Variants in TCF4 observed in about 807,000 individuals in gnomAD.
TCF4 encodes transcription factor 4.
In TCF4, 3 loss-of-function variants were observed where a neutral mutation model predicts 82.1. That is an observed-to-expected ratio of 0.04 (90% CI 0.02 to 0.09). The LOEUF (loss-of-function observed/expected upper bound fraction) is 0.09. Ranked by LOEUF, TCF4 falls within the 10% of genes least tolerant of loss-of-function variation. The pLI is 1.00. For missense variants in TCF4, 518 were observed against 852.7 expected (o/e 0.61, Z 4.89); for synonymous variants, 276 against 309.6 (o/e 0.89, Z 1.14).
intron 5 of TCF4, among the ~76,000 whole-genome samples, chr18:55,441,717 A>G (rs2095441477): frequency 6.6e-6 from 1 of 152,220 alleles, no homozygotes; most frequent in Non-Finnish European, 1.5e-5. Flanking sequence ...TGTATTACAT[A>G]ATCGTATAAT....
intron 6 of TCF4, among the ~76,000 whole-genome samples, chr18:55,372,724 T>C (rs1170604990): frequency 6.6e-6 from 1 of 152,158 alleles, no homozygotes; most frequent in Non-Finnish European, 1.5e-5. Context: ...TAGTAGACTC[T>C]ATGTGACTGT....
chr18:55,305,662 TAACTGGATA>T (rs1217077384), intron 8 of TCF4, among the ~76,000 whole-genome samples: 6 of 152,318 alleles, frequency 3.9e-5, no homozygotes, highest in African/African-American at 1.4e-4. Flanking sequence ...TTAAGACATG[TAACTGGATA>T]AATGGAGGTG....
chr18:55,293,673 G>A (rs2065669380), intron 8 of TCF4, among the ~76,000 whole-genome samples: 1 of 152,052 alleles, frequency 6.6e-6, no homozygotes. Context: ...AAATAGTAGG[G>A]GCCCTAAGGT....
chr18:55,297,688 G>A (rs2066949907), intron 8 of TCF4, among the ~76,000 whole-genome samples: 1 of 151,856 alleles, frequency 6.6e-6, no homozygotes, highest in Non-Finnish European at 1.5e-5. Context: ...ATGGTTGTTT[G>A]CGTGCATTAC....
intron 2 of TCF4, among the ~76,000 whole-genome samples, chr18:55,600,953 A>T (rs903712719): frequency 6.6e-6 from 1 of 152,172 alleles, no homozygotes; most frequent in Admixed American, 6.5e-5. Flanking sequence ...CACTGGTTAT[A>T]TGCAGATACT....
chr18:55,320,476 C>T (rs746143756), intron 8 of TCF4, among the ~76,000 whole-genome samples: 1 of 152,330 alleles, frequency 6.6e-6, no homozygotes, highest in African/African-American at 2.4e-5. Flanking sequence ...TCTGAAACTG[C>T]ACCTTCAAAC....
intron 2 of TCF4, among the ~76,000 whole-genome samples, chr18:55,609,523 GGT>G (rs2097705198): frequency 6.6e-6 from 1 of 152,158 alleles, no homozygotes; most frequent in South Asian, 2.1e-4. Flanking sequence ...TACTGAAACG[GGT>G]GTGCTTATGG....
At chr18:55,262,563 T>G (rs892234496) in intron 11 of TCF4, among the ~76,000 whole-genome samples, 3 of 152,162 alleles carry the variant, frequency 2.0e-5, no homozygotes, top group Admixed American at 6.5e-5. Flanking sequence ...CAAGCAAAAC[T>G]TCATTAAACA....
intron 11 of TCF4, chr18:55,268,390 T>G (rs2059641777): frequency 6.6e-6 from 1 of 152,132 alleles, no homozygotes; most frequent in African/African-American, 2.4e-5. Context: ...TGCACTGCTT[T>G]CTTTCTTCTT....
chr18:55,287,860 C>T (rs1271421849), intron 8 of TCF4, among the ~76,000 whole-genome samples: 1 of 152,092 alleles, frequency 6.6e-6, no homozygotes, highest in East Asian at 1.9e-4. Context: ...ATATAGCTGG[C>T]TGCAGTATAT....
rs1393915346 is a variant in TCF4, at chr18:55,223,767, G to A, written c.*4268C>T. ...TAATGCTGCAGCTATGTGTACAGTC[G>A]CAAAAAATTTCCCCGCTGCGACCTA... On this transcript the variant is annotated 3_prime_UTR_variant, in exon 20 of 20. Coordinates refer to ENST00000354452, the MANE Select transcript of TCF4 (RefSeq NM_001083962.2). 9.2e-5 allele frequency: 13 copies of A among 140,654 alleles called. No homozygotes were observed. Among genetic ancestry groups the A allele is most frequent in the South Asian group, 2.2e-4 (1 of 4,452 alleles). 8.7% of individuals were successfully genotyped at this position (140,654 alleles called of 1,614,324 possible).
At chr18:55,261,626 T>G in intron 11 of TCF4, 93 bp from the exon 12 acceptor site, 1 of 1,359,436 alleles carries the variant, frequency 7.4e-7, no homozygotes, top group Non-Finnish European at 1.1e-6. Flanking sequence ...TTAATTGCAT[T>G]TTTAATGCTA....
At chr18:55,370,718 G>A (rs557130933) in intron 6 of TCF4, among the ~76,000 whole-genome samples, 3 of 152,212 alleles carry the variant, frequency 2.0e-5, no homozygotes, top group South Asian at 4.2e-4. Flanking sequence ...ATGAAAAAAA[G>A]GATGAAAGCA....
intron 15 of TCF4, among the ~76,000 whole-genome samples, chr18:55,254,045 A>G (rs889759210): frequency 3.3e-5 from 5 of 152,244 alleles, no homozygotes; most frequent in African/African-American, 1.2e-4. Flanking sequence ...TTTGACAATA[A>G]AAATGAATAA....
At position 55,403,814 on chromosome 18, in the gene TCF4, C is replaced by T. The variant is rs1272102207; in HGVS notation, c.305-296G>A. Reference sequence around the variant, plus strand: ...AATCGTAACTCCTTATTTTCACTTTCTCTTGCACAAAATTTAAACAATTTC... The same window carrying T: ...AATCGTAACTCCTTATTTTCACTTTTTCTTGCACAAAATTTAAACAATTTC... On this transcript the variant is annotated intron_variant, in intron 5 of 19. Coordinates refer to ENST00000354452, the MANE Select transcript of TCF4 (RefSeq NM_001083962.2). The T allele has an allele frequency of 7.3e-6, 11 of 1,500,962 alleles. No homozygotes were observed. In the East Asian group the frequency reaches 2.5e-4, roughly 34 times the overall value. The allele number at this position is 1,500,962 out of a possible 1,614,324, so 93.0% of individuals were successfully genotyped here.
At chr18:55,444,603 T>A (rs2095494671) in intron 5 of TCF4, among the ~76,000 whole-genome samples, 1 of 152,206 alleles carries the variant, frequency 6.6e-6, no homozygotes, top group South Asian at 2.1e-4. Context: ...GCTACAGAAT[T>A]GAGAACTTTC....
chr18:55,442,056 T>C (rs1469153024), intron 5 of TCF4, among the ~76,000 whole-genome samples: 1 of 152,230 alleles, frequency 6.6e-6, no homozygotes, highest in South Asian at 2.1e-4. Context: ...TAGCAGGCAA[T>C]GTATTTACAG....
At chr18:55,270,722 A>T (rs2060172041) in intron 10 of TCF4, among the ~76,000 whole-genome samples, 1 of 152,154 alleles carries the variant, frequency 6.6e-6, no homozygotes, top group Admixed American at 6.6e-5. Context: ...TAGTTTTCCA[A>T]ATAAGCTGTG....
At chr18:55,246,058 T>G (rs1381232189) in intron 15 of TCF4, among the ~76,000 whole-genome samples, 1 of 152,192 alleles carries the variant, frequency 6.6e-6, no homozygotes, top group African/African-American at 2.4e-5. Flanking sequence ...TGCACAGTTG[T>G]GCCTATTCCA....
Sources: allele counts gnomAD v4.1 joint callset (sites outside exome capture counted in the v4.1 genomes callset), GRCh38; gene constraint gnomAD v4.1.1; transcripts MANE v1.5; gene names NCBI Gene and HGNC (gene_info 2026-07-23, HGNC 2026-07-21).